Variants in SPIDR observed in about 807,000 individuals in gnomAD.
SPIDR encodes scaffold protein involved in DNA repair, also known as DNA repair-scaffolding protein.
Under a neutral mutation model 104.6 loss-of-function variants are expected in SPIDR, and 93 were observed. That is an observed-to-expected ratio of 0.89 (90% CI 0.75 to 1.06). SPIDR has a LOEUF of 1.06. Ranked by LOEUF, SPIDR falls within the 50% of genes least tolerant of loss-of-function variation. The pLI is 0.00. For synonymous variants in SPIDR, 431 were observed against 416.9 expected, an observed-to-expected ratio of 1.03 and a Z score of -0.41; for missense variants, 1,154 against 1,111.2, an observed-to-expected ratio of 1.04 and a Z score of -0.55.
chr8:47,605,909 G>A (rs936855680), intron 10 of SPIDR, among the ~76,000 whole-genome samples: 1 of 152,242 alleles, frequency 6.6e-6, no homozygotes, highest in Non-Finnish European at 1.5e-5. Context: ...TCAGCACTCA[G>A]TGTTGGTACT....
At chr8:47,566,836 T>C (rs1175444231) in intron 8 of SPIDR, among the ~76,000 whole-genome samples, 1 of 152,198 alleles carries the variant, frequency 6.6e-6, no homozygotes, top group Non-Finnish European at 1.5e-5. Context: ...AATATCACTT[T>C]AAAATCTTTG....
chr8:47,312,802 T>C (rs1189606004), intron 5 of SPIDR, among the ~76,000 whole-genome samples: 2 of 152,248 alleles, frequency 1.3e-5, no homozygotes, highest in Non-Finnish European at 1.5e-5. Flanking sequence ...TCCCCATGCC[T>C]ATGTCCTGAA....
At chr8:47,492,832 CTGT>C (rs1167285146) in intron 8 of SPIDR, among the ~76,000 whole-genome samples, 1 of 152,188 alleles carries the variant, frequency 6.6e-6, no homozygotes, top group Admixed American at 6.5e-5. Context: ...AGTGCATTTT[CTGT>C]TGTTCTGCCA....
chr8:47,685,501 A>ATTTTT lies in SPIDR; in HGVS notation c.1685+11563_1685+11564insTTTTT, dbSNP rs1326028640. Among the ~76,000 whole-genome samples the ATTTTT allele has an allele frequency of 2.4e-4, 26 of 110,274 alleles. 1 individual carries two copies. The highest frequency in any genetic ancestry group is 3.8e-4 in the Non-Finnish European group (17 of 45,026). The allele number at this position is 110,274 out of a possible 152,430, so 72.3% of individuals were successfully genotyped here. A position where few individuals can be genotyped will look rare whatever the true frequency, so the allele number is the denominator to read the frequency against. On this transcript the variant is annotated intron_variant, in intron 11 of 19. Coordinates refer to ENST00000297423, the MANE Select transcript of SPIDR (RefSeq NM_001080394.4). ...GTTTTATTTATTTATTTATTTATTT[A>ATTTTT]TTTATTTATTTATTTATTTTTTTGA...
chr8:47,364,954 C>G (rs1270398277), intron 5 of SPIDR, among the ~76,000 whole-genome samples: 1 of 152,178 alleles, frequency 6.6e-6, no homozygotes, highest in African/African-American at 2.4e-5. Context: ...TGCTGCCCTC[C>G]GTCTTCCCCA....
At chr8:47,495,427 C>A (rs1198188123) in intron 8 of SPIDR, among the ~76,000 whole-genome samples, 1 of 151,804 alleles carries the variant, frequency 6.6e-6, no homozygotes, top group African/African-American at 2.4e-5. Flanking sequence ...GTATACAATT[C>A]TTCATTTTAA....
At chr8:47,528,050 C>G (rs559262277) in intron 8 of SPIDR, 1 of 152,334 alleles carries the variant, frequency 6.6e-6, no homozygotes, top group Non-Finnish European at 1.5e-5. Flanking sequence ...CAGGACTCTC[C>G]CTGTTTCAAC....
At chr8:47,400,753 T>C (rs1024843075) in intron 6 of SPIDR, among the ~76,000 whole-genome samples, 2 of 151,936 alleles carry the variant, frequency 1.3e-5, no homozygotes, top group Non-Finnish European at 2.9e-5. Context: ...TTGTTAGATA[T>C]TTAAGTGTGT....
intron 5 of SPIDR, among the ~76,000 whole-genome samples, chr8:47,375,447 G>A (rs1470880409): frequency 2.0e-5 from 3 of 151,630 alleles, no homozygotes; most frequent in Non-Finnish European, 2.9e-5. Flanking sequence ...TCACTATGTT[G>A]GCCAAGCTGG....
intron 1 of SPIDR, among the ~76,000 whole-genome samples, chr8:47,274,293 A>G (rs1172824123): frequency 1.3e-5 from 2 of 152,148 alleles, no homozygotes; most frequent in African/African-American, 4.8e-5. Context: ...GTTCATGAGG[A>G]ACATTTTTGT....
At chr8:47,630,023 C>G (rs1050668094) in intron 10 of SPIDR, among the ~76,000 whole-genome samples, 1 of 152,112 alleles carries the variant, frequency 6.6e-6, no homozygotes, top group Non-Finnish European at 1.5e-5. Context: ...AATTACAGTG[C>G]TGAATGTATT....
At chr8:47,519,670 G>C (rs913229648) in intron 8 of SPIDR, among the ~76,000 whole-genome samples, 2 of 152,040 alleles carry the variant, frequency 1.3e-5, no homozygotes, top group Non-Finnish European at 2.9e-5. Flanking sequence ...CTGCAGTCCC[G>C]ACTACTTGGG....
intron 17 of SPIDR, 97 bp downstream of exon 17, chr8:47,727,390 C>A: frequency 9.1e-7 from 1 of 1,094,430 alleles, no homozygotes; most frequent in Admixed American, 2.0e-5. Context: ...AGGTGACTCC[C>A]TCGAGAGCTC....
rs1195207740 is a variant in SPIDR, at chr8:47,521,439, T to C, written c.1098-74372T>C. Among the ~76,000 whole-genome samples the C allele has an allele frequency of 2.0e-5, 3 of 151,742 alleles. No individual in the cohort carries two copies. In the East Asian group the frequency reaches 5.8e-4, roughly 29 times the overall value. On this transcript the variant is annotated intron_variant, in intron 8 of 19. Coordinates refer to ENST00000297423, the MANE Select transcript of SPIDR (RefSeq NM_001080394.4). ...CAGTCGTTTTGTTGTGATTTTTTTT[T>C]CTTTTTTTTTTTTTTGAGACCGAGT...
chr8:47,323,572 G>T (rs1272916208), intron 5 of SPIDR, among the ~76,000 whole-genome samples: 1 of 152,194 alleles, frequency 6.6e-6, no homozygotes, highest in African/African-American at 2.4e-5. Flanking sequence ...CTCACTGAAT[G>T]CTTGGCCTTA....
At chr8:47,356,191 T>C (rs1236999923) in intron 5 of SPIDR, among the ~76,000 whole-genome samples, 3 of 152,260 alleles carry the variant, frequency 2.0e-5, no homozygotes, top group Non-Finnish European at 4.4e-5. Flanking sequence ...TAGATACAAC[T>C]GTTTAAACAT....
intron 8 of SPIDR, among the ~76,000 whole-genome samples, chr8:47,536,009 A>G (rs1444943913): frequency 1.3e-5 from 2 of 152,180 alleles, no homozygotes; most frequent in Non-Finnish European, 2.9e-5. Flanking sequence ...AGTTACTTAT[A>G]TACTAGCAAT....
At chr8:47,591,441 T>C (rs1276213534) in intron 8 of SPIDR, among the ~76,000 whole-genome samples, 1 of 151,144 alleles carries the variant, frequency 6.6e-6, no homozygotes, top group African/African-American at 2.4e-5. Flanking sequence ...TATTTATTTA[T>C]TTATTTATTT....
intron 8 of SPIDR, among the ~76,000 whole-genome samples, chr8:47,568,589 C>T (rs1436013895): frequency 1.3e-5 from 2 of 152,178 alleles, no homozygotes; most frequent in East Asian, 3.8e-4. Flanking sequence ...TACCATCTTC[C>T]ACCCTCAACC....
Sources: gnomAD v4.1 joint callset for allele counts (sites outside exome capture counted in the v4.1 genomes callset) on GRCh38, gnomAD v4.1.1 for gene constraint, MANE v1.5 for transcripts, NCBI Gene and HGNC (gene_info 2026-07-23, HGNC 2026-07-21) for gene names.